OR7E24: variants seen among roughly 807,000 people sequenced by gnomAD.
OR7E24 encodes the protein olfactory receptor family 7 subfamily E member 24.
For missense variants in OR7E24, 385 were observed against 410.3 expected (o/e 0.94, Z 0.53); for synonymous variants, 130 against 157.5 (o/e 0.83, Z 1.31).
the OR7E24 span, chr19:9,211,735 A>T: frequency 2.8e-5 from 4 of 141,348 alleles, no homozygotes; most frequent in Non-Finnish European, 6.0e-5. Flanking sequence ...TCCCAGCGCC[A>T]CTGTGCTCTA....
chr19:9,216,193 C>T, the OR7E24 span, among the ~76,000 whole-genome samples: 4 of 152,180 alleles, frequency 2.6e-5, no homozygotes, highest in Admixed American at 2.6e-4. Context: ...ATCTGCCACC[C>T]CCTGCACCCC....
chr19:9,251,206 G>C lies in OR7E24; in HGVS notation c.163G>C (p.Val55Leu), dbSNP rs1191558919. The C allele has an allele frequency of 1.2e-6, 2 of 1,613,868 alleles. No individual in the cohort carries two copies. Among genetic ancestry groups the C allele is most frequent in the Admixed American group, 1.7e-5 (1 of 59,972 alleles). ...TGGGCTGTTCCTGTCCATGTACCTG[G>C]TCACGGTGCTGGGGAACCTGCTCAT... is the stretch of plus-strand genomic sequence containing the variant. ...LAGLFLSMYL[V>L]TVLGNLLIIL... Residue 55 changes from valine to leucine, a missense_variant, in exon 1 of 1, where the codon GTC becomes CTC. Coordinates refer to ENST00000456448, the MANE Select transcript of OR7E24 (RefSeq NM_001079935.2).
chr19:9,242,493 A>T (rs1599231822), upstream of OR7E24, among the ~76,000 whole-genome samples: 1 of 152,184 alleles, frequency 6.6e-6, no homozygotes, highest in African/African-American at 2.4e-5. Flanking sequence ...CAAGTGATCC[A>T]CCTGCCTCGG....
chr19:9,219,321 A>AC, the OR7E24 span: 46 of 152,242 alleles, frequency 3.0e-4, no homozygotes, highest in African/African-American at 1.0e-3. Flanking sequence ...TCGGAAAATA[A>AC]CTTATTAAAG....
At chr19:9,231,153 C>A in the OR7E24 span, among the ~76,000 whole-genome samples, 2 of 152,012 alleles carry the variant, frequency 1.3e-5, no homozygotes, top group African/African-American at 4.8e-5. Context: ...CTCCTGACCT[C>A]AAGTGATCTG....
chr19:9,234,154 G>A, the OR7E24 span, among the ~76,000 whole-genome samples: 4 of 152,072 alleles, frequency 2.6e-5, no homozygotes, highest in East Asian at 1.9e-4. Flanking sequence ...CGCTCACCTC[G>A]GCCTCCCAAG....
the OR7E24 span, among the ~76,000 whole-genome samples, chr19:9,231,392 C>T: frequency 4.0e-5 from 6 of 151,836 alleles, no homozygotes; most frequent in South Asian, 6.3e-4. Flanking sequence ...CCATCCTGGC[C>T]GACATGGTGA....
chr19:9,219,293 A>T, the OR7E24 span: 1 of 152,110 alleles, frequency 6.6e-6, no homozygotes, highest in Non-Finnish European at 1.5e-5. Flanking sequence ...GAAAGAGTGC[A>T]GGAGAGTTAG....
chr19:9,214,336 A>C, the OR7E24 span: 2 of 1,614,156 alleles, frequency 1.2e-6, no homozygotes, highest in South Asian at 2.2e-5. Context: ...CCTGTGGAGA[A>C]GGTCAACCTC....
At chr19:9,231,486 A>G in the OR7E24 span, among the ~76,000 whole-genome samples, 1 of 152,166 alleles carries the variant, frequency 6.6e-6, no homozygotes, top group Non-Finnish European at 1.5e-5. Flanking sequence ...AGGCTGCGGC[A>G]GGAGAATCGC....
At chr19:9,236,437 G>C in the OR7E24 span, among the ~76,000 whole-genome samples, 1 of 152,010 alleles carries the variant, frequency 6.6e-6, no homozygotes, top group Non-Finnish European at 1.5e-5. Context: ...TTGAACCCAG[G>C]AGGCGGAGGT....
At chr19:9,232,305 C>G in the OR7E24 span, among the ~76,000 whole-genome samples, 951 of 151,998 alleles carry the variant, frequency 6.3e-3, 12 homozygotes, top group African/African-American at 0.022. Flanking sequence ...TTTGGGAGGC[C>G]GAGGTGGACG....
chr19:9,248,495 C>A (rs549720480), upstream of OR7E24, among the ~76,000 whole-genome samples: 3 of 152,306 alleles, frequency 2.0e-5, no homozygotes, highest in East Asian at 1.9e-4. Flanking sequence ...AACCTTCCCC[C>A]CCTCGAATCC....
chr19:9,222,294 A>G, the OR7E24 span, among the ~76,000 whole-genome samples: 3 of 152,160 alleles, frequency 2.0e-5, no homozygotes, highest in Non-Finnish European at 4.4e-5. Flanking sequence ...TGCTTTAGCT[A>G]TTTGGTGTCT....
the OR7E24 span, among the ~76,000 whole-genome samples, chr19:9,216,612 G>T: frequency 2.6e-5 from 4 of 151,448 alleles, no homozygotes; most frequent in East Asian, 7.8e-4. Context: ...TTTTTTTTGA[G>T]ACAGAGTCTC....
the OR7E24 span, chr19:9,219,206 C>T: frequency 6.6e-6 from 1 of 152,086 alleles, no homozygotes; most frequent in African/African-American, 2.4e-5. Context: ...ATACCTTGAG[C>T]ATAGTAGATC....
chr19:9,222,233 G>A, the OR7E24 span, among the ~76,000 whole-genome samples: 2 of 152,182 alleles, frequency 1.3e-5, no homozygotes, highest in African/African-American at 2.4e-5. Flanking sequence ...TTGTCAAATA[G>A]TTTTAAATCA....
At chr19:9,246,714 A>C (rs2066131704), upstream of OR7E24, among the ~76,000 whole-genome samples, 1 of 152,214 alleles carries the variant, frequency 6.6e-6, no homozygotes, top group Admixed American at 6.6e-5. Context: ...ACAGGGATGA[A>C]TCTAGACAAC....
chr19:9,217,087 A>T, the OR7E24 span, among the ~76,000 whole-genome samples: 1 of 152,174 alleles, frequency 6.6e-6, no homozygotes, highest in Non-Finnish European at 1.5e-5. Context: ...TGCTTCAGAG[A>T]ATGTCTGCCC....
Sources: allele counts gnomAD v4.1 joint callset (sites outside exome capture counted in the v4.1 genomes callset), GRCh38; gene constraint gnomAD v4.1.1; transcripts MANE v1.5; gene names NCBI Gene and HGNC (gene_info 2026-07-23, HGNC 2026-07-21).